CCDC7: variants seen among roughly 807,000 people sequenced by gnomAD.
The protein encoded by CCDC7 is coiled-coil domain containing 7.
A neutral mutation model predicts 196.9 loss-of-function variants in CCDC7; 183 were observed. The observed-to-expected ratio is 0.93, with a 90% CI of 0.82 to 1.05. The LOEUF (loss-of-function observed/expected upper bound fraction) is 1.05. Among genes scored for constraint, CCDC7 ranks in the 50% least tolerant of loss-of-function variants. The probability of loss-of-function intolerance (pLI) is 0.00; values close to 1 mark genes in which losing one functional copy is unlikely to be tolerated. For missense variants in CCDC7, 1,540 were observed against 1,482.2 expected (o/e 1.04, Z -0.64); for synonymous variants, 525 against 484.6 (o/e 1.08, Z -1.10).
chr10:32,539,592 G>C (rs2051074720), intron 11 of CCDC7, among the ~76,000 whole-genome samples: 1 of 151,650 alleles, frequency 6.6e-6, no homozygotes, highest in Non-Finnish European at 1.5e-5. Context: ...TCTTCTTCTA[G>C]TTGTGATGTT....
chr10:32,478,884 T>A (rs2039481579), intron 8 of CCDC7, among the ~76,000 whole-genome samples: 2 of 152,154 alleles, frequency 1.3e-5, no homozygotes, highest in Non-Finnish European at 2.9e-5. Context: ...ATTGGCATAA[T>A]TTCTTAGTTA....
chr10:32,872,795 T>C (rs987066630), intron 41 of CCDC7, among the ~76,000 whole-genome samples: 36 of 152,240 alleles, frequency 2.4e-4, no homozygotes, highest in African/African-American at 8.4e-4. Flanking sequence ...CCTTCACTTA[T>C]GAAGCTTAGT....
chr10:32,848,790 A>G, intron 39 of CCDC7, 72 bp downstream of exon 40: 1 of 1,188,332 alleles, frequency 8.4e-7, no homozygotes. Context: ...ATGCTTTTTC[A>G]TTTACTCTTT....
At chr10:32,598,910 A>C (rs1429969173) in intron 18 of CCDC7, among the ~76,000 whole-genome samples, 1 of 152,180 alleles carries the variant, frequency 6.6e-6, no homozygotes, top group Non-Finnish European at 1.5e-5. Flanking sequence ...AGGGTTCTGC[A>C]TATATGTGTT....
chr10:32,730,858 G>T (rs896289279), intron 28 of CCDC7, among the ~76,000 whole-genome samples: 2 of 151,794 alleles, frequency 1.3e-5, no homozygotes, highest in African/African-American at 4.8e-5. Flanking sequence ...AGTAAATATG[G>T]AAATAATATT....
chr10:32,876,028 C>T (rs1189221492), intron 41 of CCDC7, among the ~76,000 whole-genome samples: 2 of 151,936 alleles, frequency 1.3e-5, no homozygotes, highest in Non-Finnish European at 1.5e-5. Flanking sequence ...AATGCAGTTT[C>T]TTAGGCCGCA....
chr10:32,797,756 C>G (rs1485388136), intron 29 of CCDC7, among the ~76,000 whole-genome samples: 1 of 151,680 alleles, frequency 6.6e-6, no homozygotes, highest in East Asian at 1.9e-4. Context: ...GCCACTTCCA[C>G]CCCTTGATTA....
At chr10:32,717,362 T>A (rs1480102078) in intron 25 of CCDC7, among the ~76,000 whole-genome samples, 1 of 152,108 alleles carries the variant, frequency 6.6e-6, no homozygotes, top group Admixed American at 6.5e-5. Flanking sequence ...TACAAGAATC[T>A]CTGGAACACA....
At chr10:32,685,161 A>G (rs1321807196) in intron 21 of CCDC7, among the ~76,000 whole-genome samples, 2 of 147,862 alleles carry the variant, frequency 1.4e-5, no homozygotes, top group Non-Finnish European at 3.0e-5. Flanking sequence ...TCTTTTTTTT[A>G]ATCCTTCTTC....
At chr10:32,666,440 A>G (rs866808497) in intron 21 of CCDC7, among the ~76,000 whole-genome samples, 6 of 151,988 alleles carry the variant, frequency 3.9e-5, no homozygotes, top group Middle Eastern at 3.4e-3. Context: ...GGTTTGTTAC[A>G]TATATATACA....
intron 8 of CCDC7, among the ~76,000 whole-genome samples, chr10:32,483,710 A>G (rs941107327): frequency 6.6e-5 from 10 of 152,340 alleles, no homozygotes; most frequent in Middle Eastern, 3.4e-3. Context: ...AGCTTTCTAC[A>G]TATGGCCAGC....
chr10:32,709,438 A>T (rs2080425020), intron 24 of CCDC7, among the ~76,000 whole-genome samples: 1 of 152,064 alleles, frequency 6.6e-6, no homozygotes, highest in African/African-American at 2.4e-5. Flanking sequence ...CCTGCACGTT[A>T]TGCACATGTA....
At chr10:32,506,344 G>A (rs1403991098) in intron 9 of CCDC7, among the ~76,000 whole-genome samples, 12 of 150,724 alleles carry the variant, frequency 8.0e-5, no homozygotes, top group Non-Finnish European at 1.3e-4. Flanking sequence ...GGTGGTGGCC[G>A]GGCAGAGGCG....
chr10:32,544,320 C>G lies in CCDC7; in HGVS notation c.1134+19C>G, dbSNP rs773290970. On this transcript the variant is annotated intron_variant, in intron 13 of 41. Coordinates refer to ENST00000639629, the Ensembl canonical transcript of CCDC7. ...AGTACAGGTAACACACCCACTCTCT[C>G]TATGCATCAATATTTGATTAATACT... 4 of 1,598,298 alleles carry G rather than the reference C, an allele frequency of 2.5e-6. No individual in the cohort carries two copies. Among genetic ancestry groups the G allele is most frequent in the Non-Finnish European group, 3.4e-6 (4 of 1,172,598 alleles).
rs540141849 is a variant in CCDC7 at position 32,563,940 on chromosome 10, C to A, written c.1135-1618C>A. Among the ~76,000 whole-genome samples, 39 of 151,916 alleles carry A rather than the reference C, an allele frequency of 2.6e-4. No individual in the cohort carries two copies. In the East Asian group the frequency reaches 5.7e-3, roughly 22 times the overall value. ...AATATCCAGAATCTACAAAGAACTC[C>A]AACAAATTTACAAGAAAAAAACAAA... On this transcript the variant is annotated intron_variant, in intron 13 of 41. Transcript: ENST00000639629.
chr10:32,719,056 C>T (rs138426712), intron 25 of CCDC7, among the ~76,000 whole-genome samples: 6,041 of 152,118 alleles, frequency 0.04, 128 homozygotes, highest in Middle Eastern at 0.051. Context: ...AAAAAGAGCC[C>T]GTATAGTCAA....
chr10:32,567,843 A>G (rs2057048970), exon 15 of CCDC7: 3 of 1,613,556 alleles, frequency 1.9e-6, no homozygotes, highest in Non-Finnish European at 2.5e-6. Context: ...CACTGGTTTC[A>G]GATTCAGGTG....
intron 8 of CCDC7, among the ~76,000 whole-genome samples, chr10:32,487,994 C>G (rs1035044520): frequency 6.6e-6 from 1 of 152,160 alleles, no homozygotes; most frequent in Non-Finnish European, 1.5e-5. Context: ...CTGGGAGAAC[C>G]ACTACTCTCT....
upstream of CCDC7, chr10:32,446,104 A>AGGCGTCGT (rs1234792704): frequency 6.6e-6 from 1 of 152,076 alleles, no homozygotes; most frequent in Non-Finnish European, 1.5e-5. Context: ...GGCGGCGCCA[A>AGGCGTCGT]GGCGTCGTGG....
Sources: gnomAD v4.1 joint callset for allele counts (sites outside exome capture counted in the v4.1 genomes callset) on GRCh38, gnomAD v4.1.1 for gene constraint, MANE v1.5 for transcripts, NCBI Gene and HGNC (gene_info 2026-07-23, HGNC 2026-07-21) for gene names.